The following KMT2C variants were observed in gnomAD, a reference collection of about 807,000 sequenced individuals.
KMT2C encodes the protein histone-lysine N-methyltransferase 2C.
In KMT2C, 88 loss-of-function variants were observed where a neutral mutation model predicts 507.9. That is an observed-to-expected ratio of 0.17 (90% CI 0.15 to 0.21). The LOEUF is 0.21. Among genes scored for constraint, KMT2C ranks in the 10% least tolerant of loss-of-function variants. KMT2C has a pLI of 1.00. For missense variants in KMT2C, 4,954 were observed against 5,957.8 expected, an observed-to-expected ratio of 0.83 and a Z score of 5.55; for synonymous variants, 2,049 against 2,080.8, an observed-to-expected ratio of 0.98 and a Z score of 0.42.
chr7:152,357,697 T>C (rs2097163534), intron 2 of KMT2C, among the ~76,000 whole-genome samples: 1 of 152,182 alleles, frequency 6.6e-6, no homozygotes, highest in Non-Finnish European at 1.5e-5. Flanking sequence ...AAATTTAGTA[T>C]TCTGAGCTTC....
At chr7:152,278,312 A>G (rs2129180127) in intron 6 of KMT2C, among the ~76,000 whole-genome samples, 1 of 151,024 alleles carries the variant, frequency 6.6e-6, no homozygotes, top group South Asian at 2.1e-4. Context: ...ACAGAGTTTC[A>G]CTCTGTTGCC....
intron 4 of KMT2C, among the ~76,000 whole-genome samples, chr7:152,312,675 T>C (rs2096683493): frequency 6.6e-6 from 1 of 152,120 alleles, no homozygotes; most frequent in East Asian, 1.9e-4. Context: ...TTGAATAAAG[T>C]AAACAACATA....
chr7:152,291,576 T>C lies in KMT2C; in HGVS notation c.850-17709A>G, dbSNP rs1417461437. ...TCCACTTCAGGTTGTACTAAGTTAG[T>C]GTTTGCTCAACTTTTCTGAAAATAT... On this transcript the variant is annotated intron_variant, in intron 6 of 58. Coordinates refer to ENST00000262189, the MANE Select transcript of KMT2C (RefSeq NM_170606.3). Among the ~76,000 whole-genome samples, 4 of 152,428 alleles carry C rather than the reference T, an allele frequency of 2.6e-5. No individual in the cohort carries two copies. In the East Asian group the frequency reaches 5.8e-4, roughly 22 times the overall value.
Position 152,144,664 on chromosome 7 carries a change from T to G in KMT2C, c.14343+49A>C, listed in dbSNP as rs1304800669. ...CTGGACATCAATAGCTTCAGATTGC[T>G]AGACTCCACCCTGTCTCTCCACTTC... On this transcript the variant is annotated intron_variant, in intron 55 of 58. Coordinates refer to ENST00000262189, the MANE Select transcript of KMT2C (RefSeq NM_170606.3). The surrounding 1 kb of genome is among the most constrained non-coding windows in gnomAD (Gnocchi z 4.4). 6.4e-7 allele frequency: 1 copy of G among 1,559,396 alleles called. No homozygotes were observed. The highest frequency in any genetic ancestry group is 1.2e-5 in the South Asian group (1 of 86,154).
At chr7:152,157,278 A>C (rs1006137334) in intron 44 of KMT2C, among the ~76,000 whole-genome samples, 17 of 149,912 alleles carry the variant, frequency 1.1e-4, no homozygotes, top group African/African-American at 4.2e-4. Flanking sequence ...CAGGGAGCTG[A>C]GATTGCACCA....
intron 1 of KMT2C, among the ~76,000 whole-genome samples, chr7:152,413,387 A>T (rs2770506): frequency 6.6e-6 from 1 of 152,282 alleles, no homozygotes; most frequent in Middle Eastern, 3.4e-3. Context: ...TGCTAAGATT[A>T]CAGGTGTAAG....
rs2094870531 is a variant in KMT2C at position 152,224,523 on chromosome 7, G to A, written c.3070C>T (p.Leu1024=). 1.2e-6 allele frequency: 2 copies of A among 1,611,666 alleles called. No homozygotes were observed. The highest frequency in any genetic ancestry group is 1.7e-5 in the Admixed American group (1 of 59,998). The change falls in exon 19 of 59, where the codon CTG becomes TTG. Residue 1024 remains leucine, a synonymous_variant. Coordinates refer to ENST00000262189, the MANE Select transcript of KMT2C (RefSeq NM_170606.3). ...GKATDPGRLL[L]CDDCDISYHT... is the part of the protein sequence containing the mutation. Reference sequence around the variant, plus strand: ...TAACTTATGTCACAGTCATCACACAGCAGGAGTCTTCCTGGGTCAGTTGCC... The same window carrying A: ...TAACTTATGTCACAGTCATCACACAACAGGAGTCTTCCTGGGTCAGTTGCC...
At chr7:152,269,700 C>G (rs1411477948) in intron 7 of KMT2C, among the ~76,000 whole-genome samples, 3 of 152,142 alleles carry the variant, frequency 2.0e-5, no homozygotes, top group Non-Finnish European at 4.4e-5. Flanking sequence ...AACTTTACTA[C>G]TGATCAATGA....
At chr7:152,186,075 TGAG>T (rs2093618262) in intron 33 of KMT2C, among the ~76,000 whole-genome samples, 1 of 152,206 alleles carries the variant, frequency 6.6e-6, no homozygotes, top group Non-Finnish European at 1.5e-5. Flanking sequence ...GGAAAAGTAA[TGAG>T]TTCAAACCAT....
chr7:152,361,420 G>C (rs996806080), intron 1 of KMT2C, among the ~76,000 whole-genome samples: 1 of 151,920 alleles, frequency 6.6e-6, no homozygotes, highest in Admixed American at 6.6e-5. Context: ...AAAATTAGCC[G>C]GGCGTGGTAG....
At chr7:152,242,711 T>C (rs1211376994) in intron 14 of KMT2C, among the ~76,000 whole-genome samples, 6 of 152,198 alleles carry the variant, frequency 3.9e-5, no homozygotes, top group Non-Finnish European at 2.9e-5. Flanking sequence ...ACGTGGAGGA[T>C]AGGCTATTTA....
intron 26 of KMT2C, 56 bp from the exon 27 acceptor site, chr7:152,199,515 A>C: frequency 2.7e-6 from 3 of 1,113,048 alleles, no homozygotes; most frequent in Non-Finnish European, 3.8e-6. Context: ...AAGACAATAG[A>C]TTATTCTGTC....
chr7:152,183,421 A>G (rs1022006235), intron 34 of KMT2C, among the ~76,000 whole-genome samples: 5 of 152,154 alleles, frequency 3.3e-5, no homozygotes, highest in African/African-American at 4.8e-5. Flanking sequence ...TTTAGCTCCT[A>G]GTTTTCTTAA....
rs926450454 is a variant in KMT2C, at chr7:152,241,254, C to T, written c.2533-2428G>A. Among the ~76,000 whole-genome samples, 9 of 151,034 alleles carry T rather than the reference C, an allele frequency of 6.0e-5. No homozygotes were observed. In the East Asian group the frequency reaches 7.7e-4, roughly 13 times the overall value. ...TCGCTCTGTCACCCAGGCTAGAGTG[C>T]GGTGGTGCGATCTCGGCTCACAGCA... On this transcript the variant is annotated intron_variant, in intron 14 of 58. Transcript: ENST00000262189.
At chr7:152,434,775 T>C (rs1441239430) in intron 1 of KMT2C, among the ~76,000 whole-genome samples, 1 of 152,202 alleles carries the variant, frequency 6.6e-6, no homozygotes, top group Admixed American at 6.5e-5. Context: ...TCTAATAAGC[T>C]GGGGTCCAGC....
At chr7:152,183,300 G>A (rs1034985757) in intron 34 of KMT2C, 144 bp from the exon 35 acceptor site, 2 of 612,936 alleles carry the variant, frequency 3.3e-6, no homozygotes, top group Admixed American at 6.0e-5. Context: ...CCCAAAAAAG[G>A]ATCTGGACAC....
chr7:152,325,693 G>A (rs890942099), intron 3 of KMT2C, among the ~76,000 whole-genome samples: 7 of 151,770 alleles, frequency 4.6e-5, no homozygotes, highest in African/African-American at 1.7e-4. Flanking sequence ...CAATCCTCCT[G>A]CCTCAACCTC....
chr7:152,415,994 A>C (rs549653036), intron 1 of KMT2C, among the ~76,000 whole-genome samples: 2 of 152,216 alleles, frequency 1.3e-5, no homozygotes, highest in Admixed American at 6.5e-5. Flanking sequence ...TATATCATAC[A>C]TGACAAAGGT....
At chr7:152,260,392 T>C (rs2095748679) in intron 9 of KMT2C, among the ~76,000 whole-genome samples, 1 of 151,968 alleles carries the variant, frequency 6.6e-6, no homozygotes, top group Non-Finnish European at 1.5e-5. Flanking sequence ...AAAACCCTAA[T>C]AAAGAAGATC....
Sources: gnomAD v4.1 joint callset for allele counts (sites outside exome capture counted in the v4.1 genomes callset) on GRCh38, gnomAD v4.1.1 for gene constraint, Gnocchi (gnomAD v3.1) non-coding constraint, MANE v1.5 for transcripts, NCBI Gene and HGNC (gene_info 2026-07-23, HGNC 2026-07-21) for gene names.